The following CHST9 variants were observed in gnomAD, a reference collection of about 807,000 sequenced individuals.
The protein encoded by CHST9 is carbohydrate sulfotransferase 9.
CHST9 carries 41 observed loss-of-function variants against 44.4 expected under a neutral mutation model. The ratio of observed to expected loss-of-function variants is 0.92; its 90% CI spans 0.72 to 1.20. The LOEUF (loss-of-function observed/expected upper bound fraction) is 1.20. Ranked by LOEUF, CHST9 falls within the 50% of genes most tolerant of loss-of-function variation. The pLI, the probability that CHST9 is intolerant of heterozygous loss-of-function variation, is 0.00. For synonymous variants in CHST9, 171 were observed against 178.4 expected (o/e 0.96, Z 0.33); for missense variants, 504 against 516.5 (o/e 0.98, Z 0.23).
At chr18:27,058,015 T>C (rs2057677717) in intron 2 of CHST9, among the ~76,000 whole-genome samples, 1 of 152,206 alleles carries the variant, frequency 6.6e-6, no homozygotes, top group Non-Finnish European at 1.5e-5. Context: ...AACCTTTTGA[T>C]ATTCAGGATC....
intron 2 of CHST9, among the ~76,000 whole-genome samples, chr18:27,071,098 C>A (rs2057834557): frequency 6.6e-6 from 1 of 152,190 alleles, no homozygotes. Context: ...CTTCCACTAT[C>A]CTTCCACCCT....
At chr18:27,104,597 G>A (rs1261133069) in intron 2 of CHST9, among the ~76,000 whole-genome samples, 1 of 152,122 alleles carries the variant, frequency 6.6e-6, no homozygotes, top group African/African-American at 2.4e-5. Flanking sequence ...AATTCTGATG[G>A]TGCATCTCTA....
At chr18:27,030,144 T>C (rs899490138) in intron 3 of CHST9, among the ~76,000 whole-genome samples, 1 of 152,240 alleles carries the variant, frequency 6.6e-6, no homozygotes, top group African/African-American at 2.4e-5. Context: ...CAGATTTCTA[T>C]GACTTCACAA....
intron 5 of CHST9, chr18:26,924,525 A>G: frequency 1.5e-6 from 1 of 669,588 alleles, no homozygotes; most frequent in Non-Finnish European, 1.8e-6. Flanking sequence ...CCAGGGAGTA[A>G]TTTATAATAT....
intron 2 of CHST9, among the ~76,000 whole-genome samples, chr18:27,075,284 A>G (rs537032049): frequency 6.6e-6 from 1 of 152,042 alleles, no homozygotes; most frequent in Admixed American, 6.6e-5. Context: ...TAGCAAACAT[A>G]CTAAATTTCC....
intron 2 of CHST9, among the ~76,000 whole-genome samples, chr18:27,058,893 AAAC>A (rs2057689249): frequency 6.6e-6 from 1 of 152,206 alleles, no homozygotes; most frequent in Non-Finnish European, 1.5e-5. Flanking sequence ...GGAATAGTCA[AAAC>A]AACGCTTTTC....
chr18:27,165,425 T>C (rs1326000208), intron 1 of CHST9, among the ~76,000 whole-genome samples: 1 of 152,176 alleles, frequency 6.6e-6, no homozygotes, highest in Non-Finnish European at 1.5e-5. Context: ...ATAGGAGGGT[T>C]GGAAGGACCA....
At chr18:27,012,120 A>G (rs937308265) in intron 4 of CHST9, among the ~76,000 whole-genome samples, 1 of 152,152 alleles carries the variant, frequency 6.6e-6, no homozygotes, top group African/African-American at 2.4e-5. Context: ...TAAACTGACA[A>G]ATACATAAGT....
intron 2 of CHST9, 61 bp downstream of exon 2, chr18:27,142,628 T>C: frequency 4.1e-6 from 5 of 1,216,244 alleles, no homozygotes; most frequent in Non-Finnish European, 5.6e-6. Context: ...TCACAACTAA[T>C]TTAATTTAAA....
chr18:27,144,742 A>T (rs1233712466), intron 1 of CHST9, among the ~76,000 whole-genome samples: 1 of 152,144 alleles, frequency 6.6e-6, no homozygotes, highest in Admixed American at 6.6e-5. Context: ...ACTGTAGCTG[A>T]TATCCATGAT....
intron 5 of CHST9, among the ~76,000 whole-genome samples, chr18:26,921,940 ACTT>A (rs1242000224): frequency 6.6e-6 from 1 of 152,076 alleles, no homozygotes; most frequent in African/African-American, 2.4e-5. Context: ...ATCTCATAAT[ACTT>A]CTTTTTTTGT....
chr18:26,945,990 T>C (rs1372323586), intron 4 of CHST9, among the ~76,000 whole-genome samples: 1 of 152,116 alleles, frequency 6.6e-6, no homozygotes, highest in Non-Finnish European at 1.5e-5. Context: ...ATAGGGGAAA[T>C]TGAATGGTGA....
intron 4 of CHST9, among the ~76,000 whole-genome samples, chr18:27,021,171 G>A (rs28705780): frequency 1.2e-3 from 177 of 152,258 alleles, no homozygotes; most frequent in African/African-American, 4.0e-3. Context: ...TGAGACAAGG[G>A]TGGGAGGTGA....
At chr18:27,160,577 T>C (rs1241218872) in intron 1 of CHST9, among the ~76,000 whole-genome samples, 1 of 152,192 alleles carries the variant, frequency 6.6e-6, no homozygotes, top group African/African-American at 2.4e-5. Flanking sequence ...TTCTCTTTTT[T>C]TGTTGTGTCT....
intron 2 of CHST9, among the ~76,000 whole-genome samples, chr18:27,135,375 G>A (rs1382318617): frequency 6.6e-6 from 1 of 152,018 alleles, no homozygotes; most frequent in Non-Finnish European, 1.5e-5. Flanking sequence ...TCACTTTGTT[G>A]GTCTCACTTT....
chr18:27,090,399 C>T (rs2058056708), intron 2 of CHST9, among the ~76,000 whole-genome samples: 1 of 152,100 alleles, frequency 6.6e-6, no homozygotes, highest in Non-Finnish European at 1.5e-5. Context: ...TCTAGGTTGC[C>T]TGTTCACTCT....
At chr18:27,130,473 G>A (rs1480111434) in intron 2 of CHST9, among the ~76,000 whole-genome samples, 1 of 152,160 alleles carries the variant, frequency 6.6e-6, no homozygotes, top group East Asian at 1.9e-4. Context: ...TGTTTTATTA[G>A]AATTATCATT....
intron 2 of CHST9, among the ~76,000 whole-genome samples, chr18:27,120,212 C>CA (rs2143806577): frequency 6.6e-6 from 1 of 152,296 alleles, no homozygotes; most frequent in Admixed American, 6.5e-5. Context: ...CAATTGCCTA[C>CA]ATTACGAGTA....
chr18:27,156,746 C>T (rs1398611388), intron 1 of CHST9, among the ~76,000 whole-genome samples: 1 of 151,950 alleles, frequency 6.6e-6, no homozygotes, highest in Non-Finnish European at 1.5e-5. Flanking sequence ...AGATTATTAG[C>T]CACAATGTAA....
Sources: gnomAD v4.1 joint callset for allele counts (sites outside exome capture counted in the v4.1 genomes callset) on GRCh38, gnomAD v4.1.1 for gene constraint, MANE v1.5 for transcripts, NCBI Gene and HGNC (gene_info 2026-07-23, HGNC 2026-07-21) for gene names.